Variants in CHTF8 observed in about 807,000 individuals in gnomAD.
CHTF8 encodes the protein chromosome transmission fidelity factor 8, also known as chromosome transmission fidelity protein 8 homolog.
A neutral mutation model predicts 11.0 loss-of-function variants in CHTF8; 6 were observed. That is an observed-to-expected ratio of 0.55 (90% CI 0.30 to 1.08). The LOEUF (loss-of-function observed/expected upper bound fraction) is 1.08. Among genes scored for constraint, CHTF8 ranks in the 50% least tolerant of loss-of-function variants. The pLI is 0.07. For synonymous variants in CHTF8, 53 were observed against 60.5 expected, an observed-to-expected ratio of 0.88 and a Z score of 0.57; for missense variants, 140 against 153.1, an observed-to-expected ratio of 0.91 and a Z score of 0.45.
intron 1 of CHTF8, among the ~76,000 whole-genome samples, chr16:69,123,699 C>T (rs1439178439): frequency 6.6e-6 from 1 of 152,154 alleles, no homozygotes; most frequent in Non-Finnish European, 1.5e-5. Context: ...AGTCCTCCAA[C>T]ATCTTTAGTG....
chr16:69,121,672 T>G (rs1006960631), intron 1 of CHTF8, among the ~76,000 whole-genome samples, 179 bp from the exon 2 acceptor site: 9 of 135,628 alleles, frequency 6.6e-5, no homozygotes, highest in Non-Finnish European at 1.1e-4. Context: ...AGAGATGGGG[T>G]TTTTTTTTTT....
In CHTF8 at chr16:69,119,544, A is replaced by C; in HGVS notation, c.*881T>G. 2.8e-6 allele frequency: 2 copies of C among 702,890 alleles called. No individual in the cohort carries two copies. Among genetic ancestry groups the C allele is most frequent in the Non-Finnish European group, 5.2e-6 (2 of 384,938 alleles). The allele number at this position is 702,890 out of a possible 1,614,324, so 43.5% of individuals were successfully genotyped here. Reference sequence around the variant, plus strand: ...ATGGGCTTGTGCCCATGTTTCCAGAAGCCTGTGAGAAAGAAGCTGAATTTG... The same window carrying C: ...ATGGGCTTGTGCCCATGTTTCCAGACGCCTGTGAGAAAGAAGCTGAATTTG... On this transcript the variant is annotated 3_prime_UTR_variant, in exon 4 of 4. Transcript: ENST00000448552.
In CHTF8 at chr16:69,129,429, C is replaced by CAAA. The variant is rs11420871; in HGVS notation, c.-36+3052_-36+3054dup. On this transcript the variant is annotated intron_variant, in intron 1 of 3. Coordinates refer to ENST00000448552, the MANE Select transcript of CHTF8 (RefSeq NM_001039690.5). ...TAGGCAACAGAGCGAGACTCCGTCACAAAAAAAAAAAAAAAAAAAAAGGAA... is the reference window on the plus strand; with the variant it reads ...TAGGCAACAGAGCGAGACTCCGTCACAAAAAAAAAAAAAAAAAAAAAAAAGGAA... Among the ~76,000 whole-genome samples the CAAA allele has an allele frequency of 3.3e-4, 25 of 75,482 alleles. 1 individual carries two copies. The highest frequency in any genetic ancestry group is 6.0e-4 in the Admixed American group (4 of 6,706). The allele number at this position is 75,482 out of a possible 152,430, so 49.5% of individuals were successfully genotyped here.
intron 1 of CHTF8, among the ~76,000 whole-genome samples, chr16:69,129,727 C>G (rs760796968): frequency 6.6e-6 from 1 of 152,200 alleles, no homozygotes; most frequent in Non-Finnish European, 1.5e-5. Context: ...ACACAGCCCC[C>G]TCCTGTAAAG....
intron 1 of CHTF8, among the ~76,000 whole-genome samples, chr16:69,122,065 T>C (rs1273197235): frequency 6.6e-6 from 1 of 152,192 alleles, no homozygotes; most frequent in Non-Finnish European, 1.5e-5. Flanking sequence ...GGATTACAGG[T>C]GTGAGCCACC....
chr16:69,124,124 G>A (rs1034944524), intron 1 of CHTF8, among the ~76,000 whole-genome samples: 2 of 146,042 alleles, frequency 1.4e-5, no homozygotes, highest in Non-Finnish European at 3.0e-5. Context: ...AAAAAAAAAA[G>A]GATAATATGC....
chr16:69,121,757 T>G (rs1171783898), intron 1 of CHTF8, among the ~76,000 whole-genome samples: 17 of 151,822 alleles, frequency 1.1e-4, no homozygotes, highest in South Asian at 1.0e-3. Flanking sequence ...AAGCTCCGCC[T>G]CCGGGGTTCA....
chr16:69,126,781 T>C (rs1962089332), intron 1 of CHTF8, among the ~76,000 whole-genome samples: 1 of 152,188 alleles, frequency 6.6e-6, no homozygotes, highest in Non-Finnish European at 1.5e-5. Context: ...TTTAGCACCT[T>C]AAAATATCCT....
rs1245565560 is a variant in CHTF8 at position 69,120,620 on chromosome 16, A to G, written c.171T>C (p.His57=). ...EGIPVLIVGH[H]ILYGKIIHLE... ...GGTGGATGATTTTCCCATACAGGAT[A>G]TGATGCCCCACGATCAGCACAGGGA... The change falls in exon 4 of 4, where the codon CAT becomes CAC. Residue 57 remains histidine, a synonymous_variant. Transcript: ENST00000448552. This position sits in a 1 kb window ranked among gnomAD's most constrained non-coding sequence, Gnocchi z 4.0. The G allele has an allele frequency of 6.2e-7, 1 of 1,613,038 alleles. No individual in the cohort carries two copies.
Position 69,120,132 on chromosome 16 carries a change from T to C in CHTF8, c.*293A>G. 1.4e-6 allele frequency: 1 copy of C among 701,282 alleles called. No homozygotes were observed. The highest frequency in any genetic ancestry group is 1.5e-5 in the South Asian group (1 of 67,522). 43.4% of individuals were successfully genotyped at this position (701,282 alleles called of 1,614,324 possible). On this transcript the variant is annotated 3_prime_UTR_variant, in exon 4 of 4. Coordinates refer to ENST00000448552, the MANE Select transcript of CHTF8 (RefSeq NM_001039690.5). The surrounding 1 kb of genome is among the most constrained non-coding windows in gnomAD (Gnocchi z 4.0). ...CTGTGCCAGTGGGATTCATCCCTCT[T>C]GGAAAAGAAGCCATACTTGGGTCAC...
rs1567585233 is a variant in CHTF8, at chr16:69,118,473, C to T, written c.*1952G>A. On this transcript the variant is annotated 3_prime_UTR_variant, in exon 4 of 4. Coordinates refer to ENST00000448552, the MANE Select transcript of CHTF8 (RefSeq NM_001039690.5). Reference sequence around the variant, plus strand: ...TCTAGAGAGCAGTGAGCTGATTCTCCAATGGTGAGCAGGGGACTACATGTG... The same window carrying T: ...TCTAGAGAGCAGTGAGCTGATTCTCTAATGGTGAGCAGGGGACTACATGTG... 1 of 1,502,290 alleles carries T rather than the reference C, an allele frequency of 6.7e-7. No homozygotes were observed. Among genetic ancestry groups the T allele is most frequent in the Non-Finnish European group, 9.3e-7 (1 of 1,077,804 alleles). The allele number at this position is 1,502,290 out of a possible 1,614,324, so 93.1% of individuals were successfully genotyped here. A position where few individuals can be genotyped will look rare whatever the true frequency, so the allele number is the denominator to read the frequency against.
rs1278230637 is a variant in CHTF8 at position 69,119,126 on chromosome 16, C to T, written c.*1299G>A. The T allele has an allele frequency of 1.4e-6, 1 of 703,042 alleles. No individual in the cohort carries two copies. Among genetic ancestry groups the T allele is most frequent in the Admixed American group, 2.0e-5 (1 of 50,024 alleles). The allele number at this position is 703,042 out of a possible 1,614,324, so 43.6% of individuals were successfully genotyped here. On this transcript the variant is annotated 3_prime_UTR_variant, in exon 4 of 4. Coordinates refer to ENST00000448552, the MANE Select transcript of CHTF8 (RefSeq NM_001039690.5). ...CTGGGGAAAGTAACTTGACCAGGGC[C>T]TAATGGGCCAGTAGACCTTGGGAAG...
intron 1 of CHTF8, among the ~76,000 whole-genome samples, chr16:69,123,281 A>G (rs184193416): frequency 3.3e-5 from 5 of 152,162 alleles, no homozygotes; most frequent in Admixed American, 3.3e-4. Flanking sequence ...GTTTCTTAAG[A>G]TTTTACTTTT....
intron 2 of CHTF8, 65 bp from the exon 3 acceptor site, chr16:69,121,235 C>A: frequency 6.8e-7 from 1 of 1,471,392 alleles, no homozygotes. Flanking sequence ...TGTCCTCACA[C>A]CACCATTTGA....
At chr16:69,130,313 G>GTT (rs199974418) in intron 1 of CHTF8, among the ~76,000 whole-genome samples, 1 of 119,970 alleles carries the variant, frequency 8.3e-6, no homozygotes, top group South Asian at 2.6e-4. Flanking sequence ...TAGAAATTTT[G>GTT]TTTTTTTTTC....
intron 2 of CHTF8, 118 bp downstream of exon 2, chr16:69,121,318 C>G: frequency 8.2e-7 from 1 of 1,213,944 alleles, no homozygotes; most frequent in Non-Finnish European, 1.2e-6. Flanking sequence ...AACTAGAGAT[C>G]AGAATGCAAG....
rs1422474392 is a variant in CHTF8 at position 69,120,117 on chromosome 16, G to A, written c.*308C>T. On this transcript the variant is annotated 3_prime_UTR_variant, in exon 4 of 4. Coordinates refer to ENST00000448552, the MANE Select transcript of CHTF8 (RefSeq NM_001039690.5). The surrounding 1 kb of genome is among the most constrained non-coding windows in gnomAD (Gnocchi z 4.0). ...GGAAAGAAACTGCACCTGTGCCAGTGGGATTCATCCCTCTTGGAAAAGAAG... is the reference window on the plus strand; with the variant it reads ...GGAAAGAAACTGCACCTGTGCCAGTAGGATTCATCCCTCTTGGAAAAGAAG... 6 of 700,886 alleles carry A rather than the reference G, an allele frequency of 8.6e-6. No homozygotes were observed. Among genetic ancestry groups the A allele is most frequent in the Admixed American group, 2.0e-5 (1 of 49,812 alleles). The allele number at this position is 700,886 out of a possible 1,614,324, so 43.4% of individuals were successfully genotyped here. A position where few individuals can be genotyped will look rare whatever the true frequency, so the allele number is the denominator to read the frequency against.
intron 2 of CHTF8, 124 bp from the exon 3 acceptor site, chr16:69,121,294 A>C (rs376615755): frequency 1.2e-5 from 14 of 1,217,014 alleles, no homozygotes; most frequent in African/African-American, 7.6e-5. Flanking sequence ...GAAATTGGGC[A>C]GTGCTAGGCA....
rs772093842 is a variant in CHTF8 at position 69,121,058 on chromosome 16, T to C, written c.136A>G (p.Thr46Ala). The change falls in exon 3 of 4, where the codon ACT (threonine) becomes GCT (alanine). Residue 46 changes from threonine (T) to alanine (A), a missense_variant. Transcript: ENST00000448552. ...GNLLGDLHYT[T>A]EGIPVLIVGH... Reference sequence around the variant, plus strand: ...GGAAAGAAAAGCCCCCTCACCTCAGTGGTGTAATGTAGGTCTCCCAGGAGG... The same window carrying C: ...GGAAAGAAAAGCCCCCTCACCTCAGCGGTGTAATGTAGGTCTCCCAGGAGG... 29 of 1,613,158 alleles carry C rather than the reference T, an allele frequency of 1.8e-5. No individual in the cohort carries two copies. Among genetic ancestry groups the C allele is most frequent in the Non-Finnish European group, 1.7e-5 (20 of 1,179,272 alleles).
Sources: gnomAD v4.1 joint callset for allele counts (sites outside exome capture counted in the v4.1 genomes callset) on GRCh38, gnomAD v4.1.1 for gene constraint, Gnocchi (gnomAD v3.1) non-coding constraint, MANE v1.5 for transcripts, NCBI Gene and HGNC (gene_info 2026-07-23, HGNC 2026-07-21) for gene names.